The following PHYHD1 variants were observed in gnomAD, a reference collection of about 807,000 sequenced individuals.
PHYHD1 encodes phytanoyl-CoA dioxygenase domain containing 1, also known as phytanoyl-CoA dioxygenase domain-containing protein 1.
In PHYHD1, 42 loss-of-function variants were observed where a neutral mutation model predicts 43.6. The ratio of observed to expected loss-of-function variants is 0.96; its 90% CI spans 0.75 to 1.25. PHYHD1 has a LOEUF of 1.25. Among genes scored for constraint, PHYHD1 ranks in the 50% most tolerant of loss-of-function variants. PHYHD1 has a pLI of 0.00. For synonymous variants in PHYHD1, 139 were observed against 143.6 expected, an observed-to-expected ratio of 0.97 and a Z score of 0.23; for missense variants, 342 against 370.8, an observed-to-expected ratio of 0.92 and a Z score of 0.64.
intron 4 of PHYHD1, among the ~76,000 whole-genome samples, chr9:128,930,105 C>T (rs1841233237): frequency 6.6e-6 from 1 of 151,638 alleles, no homozygotes; most frequent in African/African-American, 2.4e-5. Context: ...TGGCAAAACC[C>T]CATCTCTACC....
chr9:128,923,447 CACTT>C (rs1210013164), intron 3 of PHYHD1, among the ~76,000 whole-genome samples: 1 of 152,212 alleles, frequency 6.6e-6, no homozygotes, highest in African/African-American at 2.4e-5. Flanking sequence ...GAAAGGAGGG[CACTT>C]ACTTGGTCAA....
chr9:128,940,842 G>A (rs1448819404), intron 11 of PHYHD1, 127 bp downstream of exon 11: 3 of 936,272 alleles, frequency 3.2e-6, no homozygotes, highest in Non-Finnish European at 4.8e-6. Flanking sequence ...GAAAGAGAAG[G>A]AGGGGCTGGA....
Position 128,927,077 on chromosome 9 carries a change from T to C in PHYHD1, c.73T>C (p.Ser25Pro), listed in dbSNP as rs1283434170. 2 of 1,614,064 alleles carry C rather than the reference T, an allele frequency of 1.2e-6. No homozygotes were observed. Among genetic ancestry groups the C allele is most frequent in the African/African-American group, 2.7e-5 (2 of 74,940 alleles). ...ATTCCTGGTGCTGGAAGGATTCTTG[T>C]CTGCGGAAGAGTGTGTGGCCATGCA... ...DGFLVLEGFL[S>P]AEECVAMQQR... The change falls in exon 4 of 13, where the codon TCT (serine) becomes CCT (proline). Residue 25 changes from serine to proline, a missense_variant. Physicochemically the swap from Ser to Pro is moderately conservative, Grantham distance 74. Transcript: ENST00000372592.
chr9:128,930,865 C>T (rs1416295585), intron 4 of PHYHD1, among the ~76,000 whole-genome samples: 6 of 149,302 alleles, frequency 4.0e-5, no homozygotes, highest in South Asian at 4.2e-4. Context: ...AGAAGAATGG[C>T]GTGAACCCGG....
intron 3 of PHYHD1, among the ~76,000 whole-genome samples, chr9:128,924,561 A>G (rs1288737299): frequency 6.7e-6 from 1 of 149,802 alleles, no homozygotes; most frequent in East Asian, 2.0e-4. Flanking sequence ...GCAATGAGCT[A>G]TGATCACATC....
rs1235266747 is a variant in PHYHD1, at chr9:128,941,496, TCTCTGACC to T, written c.756_763del (p.Ser253LeufsTer28). 3 of 1,613,786 alleles carry T rather than the reference TCTCTGACC, an allele frequency of 1.9e-6. No homozygotes were observed. Among genetic ancestry groups the T allele is most frequent in the Non-Finnish European group, 2.5e-6 (3 of 1,179,986 alleles). On this transcript the variant is annotated frameshift_variant, in exon 12 of 13. Coordinates refer to ENST00000372592, the MANE Select transcript of PHYHD1 (RefSeq NM_001100876.2). LOFTEE classifies it high-confidence loss of function. ...GTGGTACACAAGAGCAAGCAGAACC[TCTCTGACC>T]GCTCGCGCCAGGCCTACACTTTCCA...
rs767438257 is a variant in PHYHD1 at position 128,936,458 on chromosome 9, C to A, written c.327C>A (p.Ala109=). ...CCTTCTGTCCCATAGCTCTGCACGC[C>A]CACGACCCCGTCTTCAAGAGCATCA... ...SINKIGHALH[A]HDPVFKSITH... is the part of the protein sequence containing the mutation. The change falls in exon 7 of 13, where the codon GCC becomes GCA. Residue 109 remains alanine, a synonymous_variant. Coordinates refer to ENST00000372592, the MANE Select transcript of PHYHD1 (RefSeq NM_001100876.2). The A allele has an allele frequency of 6.2e-7, 1 of 1,612,846 alleles. No homozygotes were observed. The highest frequency in any genetic ancestry group is 8.5e-7 in the Non-Finnish European group (1 of 1,179,684).
rs534635339 is a variant in PHYHD1, at chr9:128,939,083, C to T, written c.458-1286C>T. On this transcript the variant is annotated intron_variant, in intron 9 of 12. Transcript: ENST00000372592. ...TCCCAGTTCCTTCCACCATTCCTCTCCCAAATGTTTCAAAGCCCCTTCCAT... is the reference window on the plus strand; with the variant it reads ...TCCCAGTTCCTTCCACCATTCCTCTTCCAAATGTTTCAAAGCCCCTTCCAT... 1.1e-4 allele frequency among the ~76,000 whole-genome samples: 14 copies of T among 132,062 alleles called. 5 individuals carry two copies. Among genetic ancestry groups the T allele is most frequent in the Admixed American group, 1.7e-4 (2 of 12,000 alleles). The allele number at this position is 132,062 out of a possible 152,430, so 86.6% of individuals were successfully genotyped here.
In PHYHD1 at chr9:128,941,688, T is replaced by A. The variant is rs752772803; in HGVS notation, c.851T>A (p.Leu284Gln). Residue 284 changes from leucine to glutamine, a missense_variant, in exon 13 of 13, where the codon CTG (leucine) becomes CAG (glutamine). Coordinates refer to ENST00000372592, the MANE Select transcript of PHYHD1 (RefSeq NM_001100876.2). ...TGCAGGCTCCAGCCAACAGCTGAAC[T>A]GCCCTTTCCCCAACTGTACACCTAA... ...PENWLQPTAE[L>Q]PFPQLYT 11 of 1,614,082 alleles carry A rather than the reference T, an allele frequency of 6.8e-6. No homozygotes were observed. The highest frequency in any genetic ancestry group is 9.3e-6 in the Non-Finnish European group (11 of 1,180,040).
intron 3 of PHYHD1, among the ~76,000 whole-genome samples, chr9:128,925,172 C>T (rs757001393): frequency 2.6e-5 from 4 of 151,788 alleles, no homozygotes; most frequent in East Asian, 1.9e-4. Context: ...TGTCCTTAAC[C>T]GGAAACTAGG....
chr9:128,941,588 G>T lies in PHYHD1; in HGVS notation c.830+17G>T. 1.2e-6 allele frequency: 2 copies of T among 1,614,178 alleles called. No individual in the cohort carries two copies. Among genetic ancestry groups the T allele is most frequent in the Non-Finnish European group, 1.7e-6 (2 of 1,180,036 alleles). On this transcript the variant is annotated intron_variant, in intron 12 of 12. Transcript: ENST00000372592. ...GGAGAACTGGTAGGTGACAGGGTGG[G>T]TGTGTGTGCCCGACAGTCCCCTGGA...
Position 128,921,296 on chromosome 9 carries a change from T to A in PHYHD1, c.-532T>A, listed in dbSNP as rs528413211. On this transcript the variant is annotated 5_prime_UTR_variant, in exon 1 of 13. Transcript: ENST00000372592. ...TCGGCTAGTTTTTGGTATTTTTATT[T>A]ATTATTTATTTATTTATTTTGAGAC... 2 of 151,846 alleles carry A rather than the reference T, an allele frequency of 1.3e-5. No homozygotes were observed. The highest frequency in any genetic ancestry group is 1.3e-4 in the Admixed American group (2 of 15,234). 9.4% of individuals were successfully genotyped at this position (151,846 alleles called of 1,614,324 possible).
At chr9:128,937,960 G>A (rs1240817900) in intron 9 of PHYHD1, 182 bp downstream of exon 9, 21 of 1,483,022 alleles carry the variant, frequency 1.4e-5, no homozygotes, top group South Asian at 9.5e-5. Flanking sequence ...GAAACCTTGC[G>A]TCCTTGGCAT....
intron 8 of PHYHD1, among the ~76,000 whole-genome samples, chr9:128,937,292 A>G (rs28365521): frequency 0.051 from 7,665 of 151,776 alleles, 278 homozygotes; most frequent in South Asian, 0.15. Flanking sequence ...ATTTGGTGGT[A>G]GGAGGGAGGG....
intron 3 of PHYHD1, among the ~76,000 whole-genome samples, chr9:128,922,930 C>G (rs902113789): frequency 6.7e-6 from 1 of 148,618 alleles, no homozygotes. Flanking sequence ...GCCCCCATGC[C>G]CAGCTCTTTT....
rs1248019480 is a variant in PHYHD1 at position 128,937,753 on chromosome 9, G to A, written c.436-4G>A. On this transcript the variant is annotated splice_polypyrimidine_tract_variant and splice_region_variant and intron_variant, in intron 8 of 12. Coordinates refer to ENST00000372592, the MANE Select transcript of PHYHD1 (RefSeq NM_001100876.2). ...CCTCACCAGGCTTTTCCTCTCTCTT[G>A]CAGCAACCTCACTTTGGCGGTGAAG... is the stretch of plus-strand genomic sequence containing the variant. 4.3e-6 allele frequency: 7 copies of A among 1,613,844 alleles called. No individual in the cohort carries two copies. The African/African-American group carries it at 9.3e-5, about 22-fold the overall frequency.
At chr9:128,932,188 T>TA (rs1564540472) in intron 4 of PHYHD1, among the ~76,000 whole-genome samples, 7 of 139,890 alleles carry the variant, frequency 5.0e-5, no homozygotes, top group African/African-American at 1.7e-4. Flanking sequence ...ATTATTATTT[T>TA]TTTTTTTTGA....
At chr9:128,938,077 C>A (rs1244572174) in intron 9 of PHYHD1, 7 of 791,940 alleles carry the variant, frequency 8.8e-6, no homozygotes, top group East Asian at 3.9e-5. Flanking sequence ...AAGGCAGAGG[C>A]GAGCGGATCA....
chr9:128,933,582 A>G (rs1841352005), intron 4 of PHYHD1, 200 bp from the exon 5 acceptor site: 2 of 684,604 alleles, frequency 2.9e-6, no homozygotes, highest in Admixed American at 2.2e-5. Context: ...AAGAAATTCC[A>G]TGTTTGCATC....
Sources: gnomAD v4.1 joint callset for allele counts (sites outside exome capture counted in the v4.1 genomes callset) on GRCh38, gnomAD v4.1.1 for gene constraint, MANE v1.5 for transcripts, NCBI Gene and HGNC (gene_info 2026-07-23, HGNC 2026-07-21) for gene names.